Variants in GOLGA8A observed in about 807,000 individuals in gnomAD.
The protein encoded by GOLGA8A is golgin subfamily A member 8A.
A neutral mutation model predicts 22.1 loss-of-function variants in GOLGA8A; 3 were observed. The observed-to-expected ratio is 0.14, with a 90% confidence interval of 0.06 to 0.35. The LOEUF (loss-of-function observed/expected upper bound fraction) is 0.35. GOLGA8A is among the 10% of genes least tolerant of loss of function. The probability of loss-of-function intolerance (pLI) is 1.00; values close to 1 mark genes in which losing one functional copy is unlikely to be tolerated. For synonymous variants in GOLGA8A, 7 were observed against 91.7 expected, an observed-to-expected ratio of 0.08 and a Z score of 5.28; for missense variants, 16 against 233.2, an observed-to-expected ratio of 0.07 and a Z score of 6.07.
Position 34,431,333 on chromosome 15 carries a change from ATATATATATATATC to A in GOLGA8A, c.-1123+4036_-1123+4049del, listed in dbSNP as rs1190621232. Among the ~76,000 whole-genome samples, 5 of 51,426 alleles carry A rather than the reference ATATATATATATATC, an allele frequency of 9.7e-5. No homozygotes were observed. The South Asian group carries it at 3.0e-3, about 31-fold the overall frequency. 33.7% of individuals were successfully genotyped at this position (51,426 alleles called of 152,430 possible). A position where few individuals can be genotyped will look rare whatever the true frequency, so the allele number is the denominator to read the frequency against. On this transcript the variant is annotated intron_variant, in intron 2 of 24. Coordinates refer to ENST00000359187, the MANE Select transcript of GOLGA8A (RefSeq NM_181077.5). ...TATACATATATATATATATATATATATATATATATATATCTCACACACACACACTCGTGTCACTT... is the reference window on the plus strand; with the variant it reads ...TATACATATATATATATATATATATATCACACACACACACTCGTGTCACTT...
At chr15:34,424,404 TCGA>T (rs1413162103) in intron 2 of GOLGA8A, among the ~76,000 whole-genome samples, 3 of 139,168 alleles carry the variant, frequency 2.2e-5, no homozygotes, top group African/African-American at 8.0e-5. Context: ...AAAAGAAAGG[TCGA>T]CGATGGCAAA....
intron 2 of GOLGA8A, among the ~76,000 whole-genome samples, chr15:34,431,311 A>AT: frequency 9.4e-5 from 1 of 10,600 alleles, no homozygotes; most frequent in African/African-American, 2.0e-4. Flanking sequence ...ATATATATAT[A>AT]CATATATATA....
intron 2 of GOLGA8A, among the ~76,000 whole-genome samples, chr15:34,432,385 G>C (rs1399528619): frequency 6.7e-6 from 1 of 148,680 alleles, no homozygotes; most frequent in East Asian, 2.0e-4. Context: ...GACAGGGACA[G>C]AACACGGACC....
In GOLGA8A at chr15:34,379,910, C is replaced by CA. The variant is rs1566901016; in HGVS notation, c.*1500dup. The CA allele has an allele frequency of 6.6e-6, 1 of 152,576 alleles. No homozygotes were observed. The highest frequency in any genetic ancestry group is 2.4e-5 in the African/African-American group (1 of 41,434). The allele number at this position is 152,576 out of a possible 1,614,324, so 9.5% of individuals were successfully genotyped here. A position where few individuals can be genotyped will look rare whatever the true frequency, so the allele number is the denominator to read the frequency against. On this transcript the variant is annotated 3_prime_UTR_variant, in exon 25 of 25. Transcript: ENST00000359187. ...TGTCCCTGACTGAAAATGAGAGGTA[C>CA]AAAAACGTATTTCACTCTTCGTAAA...
chr15:34,400,995 TTAACATTTCTTCTAGATCAC>T (rs1318947499), intron 5 of GOLGA8A, among the ~76,000 whole-genome samples: 1 of 86,448 alleles, frequency 1.2e-5, no homozygotes, highest in Non-Finnish European at 2.8e-5. Flanking sequence ...CTAGATTCCA[TTAACATTTCTTCTAGATCAC>T]TAACATTTCT....
intron 2 of GOLGA8A, among the ~76,000 whole-genome samples, chr15:34,432,696 A>G (rs1480913651): frequency 1.3e-5 from 2 of 148,912 alleles, no homozygotes; most frequent in African/African-American, 5.0e-5. Flanking sequence ...TTTCACAGTC[A>G]CTCAACGCAG....
intron 2 of GOLGA8A, among the ~76,000 whole-genome samples, chr15:34,433,812 A>G (rs1285742182): frequency 6.7e-6 from 1 of 149,688 alleles, no homozygotes; most frequent in African/African-American, 2.5e-5. Context: ...CAATAAACAA[A>G]CAAGTATATA....
Position 34,413,075 on chromosome 15 carries a change from T to C in GOLGA8A, c.-1122-5340A>G, listed in dbSNP as rs541461964. 4.7e-4 allele frequency among the ~76,000 whole-genome samples: 18 copies of C among 38,358 alleles called. 7 individuals carry two copies. The South Asian group carries it at 0.012, about 25-fold the overall frequency. 25.2% of individuals were successfully genotyped at this position (38,358 alleles called of 152,430 possible). ...GTGTTTAATGGGTGCAGAGGTTCCG[T>C]TGTGAAGATGGAAAAGTTCTGGAGA... On this transcript the variant is annotated intron_variant, in intron 2 of 24. Coordinates refer to ENST00000359187, the MANE Select transcript of GOLGA8A (RefSeq NM_181077.5).
chr15:34,437,213 G>A (rs1213715988), intron 1 of GOLGA8A, among the ~76,000 whole-genome samples, 185 bp downstream of exon 1: 3 of 146,820 alleles, frequency 2.0e-5, no homozygotes, highest in East Asian at 2.0e-4. Context: ...TAAGGCCGCC[G>A]GGCTGCACCC....
chr15:34,384,077 CT>C (rs1457367243), intron 16 of GOLGA8A, 30 bp from the exon 17 acceptor site: 1 of 495,570 alleles, frequency 2.0e-6, no homozygotes, highest in Non-Finnish European at 3.5e-6. Flanking sequence ...AAGTTTCGAT[CT>C]GGGGAGCCTG....
intron 1 of GOLGA8A, among the ~76,000 whole-genome samples, chr15:34,437,140 C>A (rs1355299246): frequency 6.8e-6 from 1 of 147,422 alleles, no homozygotes; most frequent in Non-Finnish European, 1.5e-5. Context: ...CGAAAGCCAT[C>A]GCCTAGTCCC....
Position 34,418,774 on chromosome 15 carries a change from T to C in GOLGA8A, c.-1122-11039A>G, listed in dbSNP as rs1363968830. 4.1e-5 allele frequency: 6 copies of C among 146,864 alleles called. 1 individual carries two copies. The highest frequency in any genetic ancestry group is 1.4e-4 in the Admixed American group (2 of 14,262). The allele number at this position is 146,864 out of a possible 1,614,324, so 9.1% of individuals were successfully genotyped here. A position where few individuals can be genotyped will look rare whatever the true frequency, so the allele number is the denominator to read the frequency against. On this transcript the variant is annotated intron_variant, in intron 2 of 24. Coordinates refer to ENST00000359187, the MANE Select transcript of GOLGA8A (RefSeq NM_181077.5). The stretch of plus-strand genomic sequence containing the variant: ...CCGGGAGCAGGACGGCCTGTGCCCA[T>C]GGTTCAGGTGAGAGCCGGGTGGGTG...
In GOLGA8A at chr15:34,380,259, T is replaced by C. The variant is rs886890575; in HGVS notation, c.*1152A>G. The C allele has an allele frequency of 2.0e-5, 3 of 152,120 alleles. No homozygotes were observed. The highest frequency in any genetic ancestry group is 7.2e-5 in the African/African-American group (3 of 41,430). 9.4% of individuals were successfully genotyped at this position (152,120 alleles called of 1,614,324 possible). A position where few individuals can be genotyped will look rare whatever the true frequency, so the allele number is the denominator to read the frequency against. ...AGCCAGAGAGGTCTAGATAGTAAAA[T>C]CAAACTTCAAGCCTCAAAGAAGCTC... On this transcript the variant is annotated 3_prime_UTR_variant, in exon 25 of 25. Transcript: ENST00000359187.
intron 11 of GOLGA8A, 38 bp from the exon 12 acceptor site, chr15:34,386,779 GGTT>G: frequency 6.4e-7 from 1 of 1,550,898 alleles, no homozygotes; most frequent in Non-Finnish European, 8.7e-7. Flanking sequence ...ATTAGGGCTG[GGTT>G]GTGTGTGGGC....
intron 2 of GOLGA8A, chr15:34,416,466 GCCC>G (rs1287140187): frequency 7.2e-6 from 1 of 138,914 alleles, no homozygotes; most frequent in African/African-American, 2.7e-5. Flanking sequence ...TTTTTAAAAT[GCCC>G]CCTTTTGTTC....
rs1892636197 is a variant in GOLGA8A, at chr15:34,417,852, T to TA, written c.-1122-10118dup. 2 of 144,958 alleles carry TA rather than the reference T, an allele frequency of 1.4e-5. 1 individual carries two copies. The highest frequency in any genetic ancestry group is 5.1e-5 in the African/African-American group (2 of 39,436). 9.0% of individuals were successfully genotyped at this position (144,958 alleles called of 1,614,324 possible). A position where few individuals can be genotyped will look rare whatever the true frequency, so the allele number is the denominator to read the frequency against. On this transcript the variant is annotated intron_variant, in intron 2 of 24. Transcript: ENST00000359187. ...TTGCCCCCCATGGGATGTTTGGAAA[T>TA]AATCTGGAGACATTTTCGGTTGTCA...
At chr15:34,381,921 ACACCCCCACCC>A (rs746676324) in intron 23 of GOLGA8A, 36 bp downstream of exon 23, 140,320 of 385,382 alleles carry the variant, frequency 0.36, 2,004 homozygotes, top group Admixed American at 0.42. Flanking sequence ...CACCCCACCC[ACACCCCCACCC>A]CACCCCCACC....
At position 34,437,742 on chromosome 15, in the gene GOLGA8A, T is replaced by C. The variant is rs1299629909; in HGVS notation, c.-1556A>G. On this transcript the variant is annotated 5_prime_UTR_variant, in exon 1 of 25. Coordinates refer to ENST00000359187, the MANE Select transcript of GOLGA8A (RefSeq NM_181077.5). ...CCGCTGCCGGGTCTCTCCCGGGGGCTGAGCTCCCGCAGAGCTCGCGCCTAG... is the reference window on the plus strand; with the variant it reads ...CCGCTGCCGGGTCTCTCCCGGGGGCCGAGCTCCCGCAGAGCTCGCGCCTAG... Among the ~76,000 whole-genome samples, 1 of 146,506 alleles carries C rather than the reference T, an allele frequency of 6.8e-6. No individual in the cohort carries two copies. The highest frequency in any genetic ancestry group is 1.5e-5 in the Non-Finnish European group (1 of 66,290).
intron 2 of GOLGA8A, among the ~76,000 whole-genome samples, chr15:34,432,207 T>C (rs984950919): frequency 1.3e-5 from 2 of 149,192 alleles, no homozygotes; most frequent in Admixed American, 1.4e-4. Flanking sequence ...CCCATCGCTG[T>C]ATAGGGCCCA....
Sources: gnomAD v4.1 joint callset for allele counts (sites outside exome capture counted in the v4.1 genomes callset) on GRCh38, gnomAD v4.1.1 for gene constraint, MANE v1.5 for transcripts, NCBI Gene and HGNC (gene_info 2026-07-23, HGNC 2026-07-21) for gene names.